Variants in RYR3 observed in about 807,000 individuals in gnomAD.
RYR3 encodes ryanodine receptor 3.
RYR3 carries 207 observed loss-of-function variants against 584.3 expected under a neutral mutation model. The ratio of observed to expected loss-of-function variants is 0.35; its 90% CI spans 0.32 to 0.40. RYR3 has a LOEUF of 0.40. RYR3 is among the 10% of genes least tolerant of loss of function. RYR3 has a pLI of 1.00. For synonymous variants in RYR3, 2,416 were observed against 2,248.5 expected, an observed-to-expected ratio of 1.07 and a Z score of -2.11; for missense variants, 5,616 against 6,089.2, an observed-to-expected ratio of 0.92 and a Z score of 2.59.
intron 16 of RYR3, among the ~76,000 whole-genome samples, chr15:33,595,465 T>TGCCTTTAACATTAA (rs2059325770): frequency 1.3e-5 from 2 of 152,060 alleles, no homozygotes; most frequent in African/African-American, 4.8e-5. Flanking sequence ...TGCATCAGTT[T>TGCCTTTAACATTAA]GCCTTTAACA....
intron 1 of RYR3, among the ~76,000 whole-genome samples, chr15:33,452,648 T>C (rs532842199): frequency 6.6e-6 from 1 of 152,110 alleles, no homozygotes; most frequent in Non-Finnish European, 1.5e-5. Flanking sequence ...CCTCAAACAA[T>C]GTGTGAATAA....
chr15:33,458,184 G>T (rs550115600), intron 1 of RYR3, among the ~76,000 whole-genome samples: 1 of 152,248 alleles, frequency 6.6e-6, no homozygotes, highest in East Asian at 1.9e-4. Flanking sequence ...AAGAGTGGTT[G>T]CCAGGGGCTG....
At chr15:33,855,812 T>A in intron 98 of RYR3, 1 of 152,174 alleles carries the variant, frequency 6.6e-6, no homozygotes, top group East Asian at 1.9e-4. Context: ...GAAGACTGGA[T>A]ATTGATGAGA....
chr15:33,765,818 A>G lies in RYR3; in HGVS notation c.8706-2840A>G, dbSNP rs558642646. ...TAGCATTGAGCACAGTTTTTTATAT[A>G]TAAGAGTTATTGCCCATTTGTGTAA... On this transcript the variant is annotated intron_variant, in intron 60 of 103. Coordinates refer to ENST00000634891, the MANE Select transcript of RYR3 (RefSeq NM_001036.6). Among the ~76,000 whole-genome samples, 35 of 152,276 alleles carry G rather than the reference A, an allele frequency of 2.3e-4. 1 individual carries two copies. The South Asian group carries it at 7.3e-3, about 32-fold the overall frequency.
At chr15:33,563,150 TAC>T (rs1379510253) in intron 11 of RYR3, 140 bp downstream of exon 11, 4 of 699,910 alleles carry the variant, frequency 5.7e-6, no homozygotes, top group Admixed American at 3.2e-5. Flanking sequence ...TGATGGATTG[TAC>T]ACAGTTTCTC....
intron 1 of RYR3, among the ~76,000 whole-genome samples, chr15:33,333,188 G>A (rs1342945044): frequency 6.6e-6 from 1 of 151,798 alleles, no homozygotes; most frequent in African/African-American, 2.4e-5. Context: ...GGAAAAGGAG[G>A]GACTCTTCCC....
Position 33,821,334 on chromosome 15 carries a change from C to A in RYR3, c.10880C>A (p.Ala3627Glu). 6.2e-7 allele frequency: 1 copy of A among 1,604,926 alleles called. No homozygotes were observed. Among genetic ancestry groups the A allele is most frequent in the Non-Finnish European group, 8.5e-7 (1 of 1,175,832 alleles). The change falls in exon 79 of 104, where the codon GCA becomes GAA. Residue 3627 changes from alanine to glutamate, a missense_variant. Physicochemically the swap from Ala to Glu is moderately radical, Grantham distance 107 (BLOSUM62 -1). Around this residue, in one of 9 missense-constraint regions of RYR3, gnomAD observed 954 missense variants for 1,132.2 expected, o/e 0.84. Transcript: ENST00000634891. ...QQARLHERGA[A>E]EMVLQMISAS... ...GCTCGGCTGCATGAGCGTGGTGCTG[C>A]AGAGATGGTCCTTCAGATGATAAGC...
intron 38 of RYR3, among the ~76,000 whole-genome samples, chr15:33,681,544 C>T (rs2064617748): frequency 6.6e-6 from 1 of 152,154 alleles, no homozygotes; most frequent in South Asian, 2.1e-4. Flanking sequence ...TAGTCTACTA[C>T]TGGGAGAAAT....
chr15:33,436,582 C>T (rs2045747675), intron 1 of RYR3, among the ~76,000 whole-genome samples: 1 of 150,848 alleles, frequency 6.6e-6, no homozygotes, highest in African/African-American at 2.4e-5. Flanking sequence ...CTCACTGCAA[C>T]CTCCGCCTCC....
chr15:33,697,435 AAGGG>A, intron 39 of RYR3, among the ~76,000 whole-genome samples: 2 of 152,348 alleles, frequency 1.3e-5, no homozygotes, highest in South Asian at 4.1e-4. Flanking sequence ...ACCACCCAGC[AAGGG>A]AGTACACAGC....
chr15:33,593,975 A>G (rs2059256286), intron 16 of RYR3, among the ~76,000 whole-genome samples: 1 of 152,194 alleles, frequency 6.6e-6, no homozygotes, highest in Non-Finnish European at 1.5e-5. Flanking sequence ...CATAGCAGGA[A>G]TCTCAGATAC....
At chr15:33,539,647 G>A (rs556429647) in intron 6 of RYR3, among the ~76,000 whole-genome samples, 185 bp downstream of exon 6, 11 of 152,188 alleles carry the variant, frequency 7.2e-5, no homozygotes, top group Non-Finnish European at 4.4e-5. Context: ...AAATTAAAGT[G>A]TAACTTTCGA....
chr15:33,329,241 C>T (rs1480669590), intron 1 of RYR3, among the ~76,000 whole-genome samples: 5 of 152,118 alleles, frequency 3.3e-5, no homozygotes, highest in Admixed American at 2.6e-4. Flanking sequence ...GGTAAGAACT[C>T]GTATGTAATG....
intron 2 of RYR3, among the ~76,000 whole-genome samples, chr15:33,477,613 C>A (rs555987045): frequency 6.8e-6 from 1 of 147,092 alleles, no homozygotes; most frequent in South Asian, 2.2e-4. Context: ...CGGTGGCTCA[C>A]GCCTGTAATC....
intron 8 of RYR3, among the ~76,000 whole-genome samples, chr15:33,545,295 T>C (rs933429737): frequency 6.6e-6 from 1 of 152,160 alleles, no homozygotes. Context: ...GTGGGCATTT[T>C]GTTCAAGTGA....
intron 95 of RYR3, 123 bp from the exon 96 acceptor site, chr15:33,853,432 C>G (rs764699259): frequency 4.8e-6 from 6 of 1,243,670 alleles, no homozygotes; most frequent in Middle Eastern, 5.7e-4. Flanking sequence ...GCATTTTGAA[C>G]TATGTCTTCA....
chr15:33,708,779 C>T (rs912698635), intron 43 of RYR3, among the ~76,000 whole-genome samples: 1 of 152,172 alleles, frequency 6.6e-6, no homozygotes, highest in African/African-American at 2.4e-5. Context: ...ACAGATGGAG[C>T]AATGGTGAGC....
In RYR3 at chr15:33,390,266, T is replaced by TTTTG. The variant is rs200124539; in HGVS notation, c.51+79186_51+79189dup. 5.9e-4 allele frequency among the ~76,000 whole-genome samples: 90 copies of TTTTG among 152,318 alleles called. 1 individual carries two copies. In the East Asian group the frequency reaches 0.015, roughly 26 times the overall value. ...TATTTAAAGCCAACAAAATAAGAGTTTTTGTTTGTTTGTTTGTTTAGTTTG... is the reference window on the plus strand; with the variant it reads ...TATTTAAAGCCAACAAAATAAGAGTTTTTGTTTGTTTGTTTGTTTGTTTAGTTTG... On this transcript the variant is annotated intron_variant, in intron 1 of 103. Transcript: ENST00000634891. The surrounding 1 kb of genome is among the most constrained non-coding windows in gnomAD (Gnocchi z 4.2).
intron 43 of RYR3, among the ~76,000 whole-genome samples, chr15:33,721,635 G>T (rs183526141): frequency 6.6e-6 from 1 of 152,112 alleles, no homozygotes; most frequent in Non-Finnish European, 1.5e-5. Flanking sequence ...AGACACAAAT[G>T]AGGTACCTCT....
Sources: allele counts gnomAD v4.1 joint callset (sites outside exome capture counted in the v4.1 genomes callset), GRCh38; gene constraint gnomAD v4.1.1; regional missense constraint gnomAD v4.1.1; non-coding constraint Gnocchi (gnomAD v3.1); transcripts MANE v1.5; gene names NCBI Gene and HGNC (gene_info 2026-07-23, HGNC 2026-07-21).